Variants in BRK1 observed in about 807,000 individuals in gnomAD.
BRK1 encodes the protein protein BRICK1.
In BRK1, 6 loss-of-function variants were observed where a neutral mutation model predicts 9.9. The ratio of observed to expected loss-of-function variants is 0.60; its 90% confidence interval spans 0.33 to 1.19. The LOEUF is 1.19. BRK1 is among the 50% of genes most tolerant of loss of function. BRK1 has a pLI of 0.04. For synonymous variants in BRK1, 44 were observed against 31.9 expected, an observed-to-expected ratio of 1.38 and a Z score of -1.28; for missense variants, 62 against 97.5, an observed-to-expected ratio of 0.64 and a Z score of 1.53.
chr3:10,123,438 CTTTT>C (rs869148224), intron 1 of BRK1, among the ~76,000 whole-genome samples: 3 of 136,010 alleles, frequency 2.2e-5, no homozygotes, highest in African/African-American at 2.8e-5. Context: ...ACTTTCTTTC[CTTTT>C]TTTTTTTTTT....
At chr3:10,119,302 C>T (rs1575905393) in intron 1 of BRK1, among the ~76,000 whole-genome samples, 1 of 152,044 alleles carries the variant, frequency 6.6e-6, no homozygotes, top group South Asian at 2.1e-4. Flanking sequence ...ATAAAAAATA[C>T]AAAAATTAGC....
At chr3:10,120,875 C>A (rs1695747110) in intron 1 of BRK1, among the ~76,000 whole-genome samples, 1 of 152,176 alleles carries the variant, frequency 6.6e-6, no homozygotes, top group African/African-American at 2.4e-5. Flanking sequence ...TCCTACCTCC[C>A]CCAATAATTT....
At chr3:10,115,842 G>A (rs766486318) in intron 1 of BRK1, 23 bp downstream of exon 1, 3 of 1,593,278 alleles carry the variant, frequency 1.9e-6, no homozygotes, top group South Asian at 1.1e-5. Flanking sequence ...GCAAGGGGAG[G>A]CGGGGAGGAG....
intron 1 of BRK1, among the ~76,000 whole-genome samples, chr3:10,124,527 C>T (rs1165569887): frequency 6.6e-6 from 1 of 152,038 alleles, no homozygotes; most frequent in Non-Finnish European, 1.5e-5. Flanking sequence ...TTATTATTTA[C>T]CATGTGTAGG....
At chr3:10,123,114 TC>T (rs1185763227) in intron 1 of BRK1, among the ~76,000 whole-genome samples, 25 of 152,364 alleles carry the variant, frequency 1.6e-4, no homozygotes, top group Admixed American at 1.3e-3. Context: ...ACCTTTTCTC[TC>T]ATATGTTGAG....
chr3:10,123,658 T>C (rs149128821), intron 1 of BRK1, among the ~76,000 whole-genome samples: 1 of 132,638 alleles, frequency 7.5e-6, no homozygotes, highest in Non-Finnish European at 1.5e-5. Flanking sequence ...ATGGTCTCCA[T>C]CTCCTGACCT....
chr3:10,123,732 C>CTTTTTTTTTTTTTTT lies in BRK1; in HGVS notation c.119-1887_119-1873dup, dbSNP rs71626962. Among the ~76,000 whole-genome samples the CTTTTTTTTTTTTTTT allele has an allele frequency of 1.4e-4, 7 of 48,694 alleles. 2 individuals are homozygous for CTTTTTTTTTTTTTTT. The highest frequency in any genetic ancestry group is 9.0e-4 in the African/African-American group (6 of 6,698). 31.9% of individuals were successfully genotyped at this position (48,694 alleles called of 152,430 possible). A position where few individuals can be genotyped will look rare whatever the true frequency, so the allele number is the denominator to read the frequency against. On this transcript the variant is annotated intron_variant, in intron 1 of 2. Transcript: ENST00000530758. ...ACAGGCCTGAGCCACCGTGCCTGGCCTTTTTTTTTTTTTTTTTTTTTGAGA... is the reference window on the plus strand; with the variant it reads ...ACAGGCCTGAGCCACCGTGCCTGGCCTTTTTTTTTTTTTTTTTTTTTTTTTTTTTTTTTTTTGAGA...
chr3:10,118,359 A>G (rs1307615731), intron 1 of BRK1, among the ~76,000 whole-genome samples: 2 of 151,942 alleles, frequency 1.3e-5, no homozygotes, highest in Admixed American at 6.6e-5. Flanking sequence ...AGACTTGAGT[A>G]TGTTGTCTTG....
At chr3:10,126,214 A>C in intron 2 of BRK1, 55 bp from the exon 3 acceptor site, 3 of 1,211,216 alleles carry the variant, frequency 2.5e-6, no homozygotes, top group Non-Finnish European at 3.4e-6. Context: ...TTTTTTTTAG[A>C]CCCCTCTAAT....
intron 1 of BRK1, among the ~76,000 whole-genome samples, chr3:10,119,101 G>A (rs1327130635): frequency 1.4e-5 from 2 of 143,050 alleles, no homozygotes; most frequent in South Asian, 2.2e-4. Flanking sequence ...CTGCACTCGC[G>A]CCACTGCACT....
chr3:10,124,700 C>G (rs931149660), intron 1 of BRK1, among the ~76,000 whole-genome samples: 8 of 151,904 alleles, frequency 5.3e-5, no homozygotes, highest in East Asian at 1.9e-4. Context: ...TCTGGAGGCT[C>G]TAGGAGAGGG....
Position 10,125,683 on chromosome 3 carries a change from G to A in BRK1, c.176G>A (p.Arg59Gln), listed in dbSNP as rs746376520. 1.6e-5 allele frequency: 25 copies of A among 1,612,458 alleles called. No homozygotes were observed. Among genetic ancestry groups the A allele is most frequent in the Non-Finnish European group, 1.7e-5 (20 of 1,179,138 alleles). The part of the protein sequence containing the change: ...TLNEKLTALE[R>Q]RIEYIEARVT... ...AACGAGAAATTGACAGCCCTTGAAC[G>A]GAGAATAGAGTACATTGAAGCTCGG... The change falls in exon 2 of 3, where the codon CGG becomes CAG. Residue 59 changes from arginine (R) to glutamine (Q), a missense_variant. Transcript: ENST00000530758.
intron 1 of BRK1, among the ~76,000 whole-genome samples, chr3:10,122,043 C>T (rs1382566557): frequency 6.6e-6 from 1 of 151,886 alleles, no homozygotes; most frequent in Non-Finnish European, 1.5e-5. Context: ...GTGTGCGCCA[C>T]CATGCTTAGC....
chr3:10,125,352 G>A (rs1438590866), intron 1 of BRK1, among the ~76,000 whole-genome samples: 4 of 152,132 alleles, frequency 2.6e-5, no homozygotes, highest in Non-Finnish European at 4.4e-5. Flanking sequence ...TGATCCACCC[G>A]CCTAGTCCTC....
At chr3:10,124,550 C>T (rs557712568) in intron 1 of BRK1, among the ~76,000 whole-genome samples, 1 of 152,214 alleles carries the variant, frequency 6.6e-6, no homozygotes, top group South Asian at 2.1e-4. Flanking sequence ...ATAAATCAAA[C>T]ACTGGTCACT....
chr3:10,123,128 T>C (rs1193058156), intron 1 of BRK1, among the ~76,000 whole-genome samples: 1 of 152,200 alleles, frequency 6.6e-6, no homozygotes, highest in Non-Finnish European at 1.5e-5. Flanking sequence ...ATGTTGAGAA[T>C]AGTTGGAAAA....
intron 1 of BRK1, among the ~76,000 whole-genome samples, chr3:10,119,395 T>C (rs1695728868): frequency 6.6e-6 from 1 of 152,052 alleles, no homozygotes; most frequent in Non-Finnish European, 1.5e-5. Context: ...GAGGCAAAGG[T>C]TGCAGTGAGC....
At chr3:10,116,072 TCTC>T (rs537014153) in intron 1 of BRK1, among the ~76,000 whole-genome samples, 164 of 152,150 alleles carry the variant, frequency 1.1e-3, no homozygotes, top group African/African-American at 3.7e-3. Flanking sequence ...TACAAGTCCT[TCTC>T]CTAGACGCGT....
chr3:10,115,686 T>C lies in BRK1; in HGVS notation c.-16T>C. 6.2e-7 allele frequency: 1 copy of C among 1,610,264 alleles called. No homozygotes were observed. The highest frequency in any genetic ancestry group is 8.5e-7 in the Non-Finnish European group (1 of 1,176,542). On this transcript the variant is annotated 5_prime_UTR_variant, in exon 1 of 3. Coordinates refer to ENST00000530758, the MANE Select transcript of BRK1 (RefSeq NM_018462.5). ...GTCGGGGCGCCTGCGCAGTCGCTCT[T>C]CCTCAGGCGGCGGCCATGGCGGGAC...
Sources: allele counts gnomAD v4.1 joint callset (sites outside exome capture counted in the v4.1 genomes callset), GRCh38; gene constraint gnomAD v4.1.1; transcripts MANE v1.5; gene names NCBI Gene and HGNC (gene_info 2026-07-23, HGNC 2026-07-21).